ZFPM2: variants seen among roughly 807,000 people sequenced by gnomAD.
ZFPM2 encodes zinc finger protein, FOG family member 2.
A neutral mutation model predicts 98.6 loss-of-function variants in ZFPM2; 20 were observed. The observed-to-expected ratio is 0.20, with a 90% CI of 0.14 to 0.29. The LOEUF (loss-of-function observed/expected upper bound fraction) is 0.29, where lower values mean the gene tolerates loss of function less well. Among genes scored for constraint, ZFPM2 ranks in the 10% least tolerant of loss-of-function variants. The pLI is 1.00. For synonymous variants in ZFPM2, 518 were observed against 502.7 expected (o/e 1.03, Z -0.41); for missense variants, 1,310 against 1,388.6 (o/e 0.94, Z 0.90).
intron 4 of ZFPM2, among the ~76,000 whole-genome samples, chr8:105,578,840 G>T (rs1002728802): frequency 6.6e-6 from 1 of 152,090 alleles, no homozygotes; most frequent in African/African-American, 2.4e-5. Context: ...GAATATACTA[G>T]CAAACTGATA....
chr8:105,593,528 C>T (rs958449268), intron 4 of ZFPM2, among the ~76,000 whole-genome samples: 7 of 151,646 alleles, frequency 4.6e-5, no homozygotes, highest in African/African-American at 1.7e-4. Flanking sequence ...TACCAGTGTC[C>T]CAAATCTGCT....
Position 105,803,749 on chromosome 8 carries a change from G to A in ZFPM2, c.*211G>A. On this transcript the variant is annotated 3_prime_UTR_variant, in exon 8 of 8. Transcript: ENST00000407775. ...TCAAAAAAATTAATTTATTTTACCA[G>A]CAGTATTCATAGCTGTGGTTATGTT... The A allele has an allele frequency of 1.8e-6, 1 of 543,394 alleles. No homozygotes were observed. Among genetic ancestry groups the A allele is most frequent in the Non-Finnish European group, 3.2e-6 (1 of 308,650 alleles). 33.7% of individuals were successfully genotyped at this position (543,394 alleles called of 1,614,324 possible). A position where few individuals can be genotyped will look rare whatever the true frequency, so the allele number is the denominator to read the frequency against.
intron 1 of ZFPM2, among the ~76,000 whole-genome samples, chr8:105,368,239 A>G (rs1810547695): frequency 1.3e-5 from 2 of 151,216 alleles, no homozygotes; most frequent in South Asian, 2.1e-4. Flanking sequence ...TGCTGGCCTC[A>G]TAAAATGAGT....
At chr8:105,792,599 G>T (rs1813653034) in intron 6 of ZFPM2, among the ~76,000 whole-genome samples, 1 of 152,140 alleles carries the variant, frequency 6.6e-6, no homozygotes, top group East Asian at 1.9e-4. Flanking sequence ...TGTCTATTAG[G>T]TCTGCTTGGT....
At chr8:105,800,950 T>C (rs1007458043) in intron 7 of ZFPM2, 97 bp from the exon 8 acceptor site, 40 of 1,146,220 alleles carry the variant, frequency 3.5e-5, no homozygotes, top group Non-Finnish European at 4.6e-5. Flanking sequence ...ATTTCATTCC[T>C]ATTGTGTTGC....
At chr8:105,693,954 A>ATTTTTTTCTTTTC (rs1230123871) in intron 5 of ZFPM2, among the ~76,000 whole-genome samples, 4 of 132,146 alleles carry the variant, frequency 3.0e-5, no homozygotes, top group African/African-American at 8.6e-5. Context: ...TATTATCCAA[A>ATTTTTTTCTTTTC]TTTTTTTCTT....
intron 5 of ZFPM2, among the ~76,000 whole-genome samples, chr8:105,701,630 A>G (rs1172686863): frequency 3.3e-5 from 5 of 152,230 alleles, no homozygotes; most frequent in African/African-American, 1.2e-4. Context: ...TCTAAACAGC[A>G]GGAAAGTAGT....
At chr8:105,626,397 G>C (rs775070570) in intron 4 of ZFPM2, among the ~76,000 whole-genome samples, 5 of 152,172 alleles carry the variant, frequency 3.3e-5, no homozygotes, top group Non-Finnish European at 5.9e-5. Context: ...ATATTTTCCT[G>C]ACTGTCAGAT....
Position 105,803,443 on chromosome 8 carries a change from T to C in ZFPM2, c.3361T>C (p.Cys1121Arg). The change falls in exon 8 of 8, where the codon TGC becomes CGC. Residue 1121 changes from cysteine (C) to arginine (R), a missense_variant. Physicochemically the swap from Cys to Arg is radical, Grantham distance 180. Coordinates refer to ENST00000407775, the MANE Select transcript of ZFPM2 (RefSeq NM_012082.4). ...CCAGGCTCCAACCAGTGGGAAATAT[T>C]GCCGGCTATGTGATATCCAGTTCAA... ...SSQAPTSGKY[C>R]RLCDIQFNNL... 6.2e-7 allele frequency: 1 copy of C among 1,613,850 alleles called. No individual in the cohort carries two copies. The highest frequency in any genetic ancestry group is 8.5e-7 in the Non-Finnish European group (1 of 1,179,810).
At chr8:105,539,129 G>T (rs1322810649) in intron 3 of ZFPM2, among the ~76,000 whole-genome samples, 1 of 152,082 alleles carries the variant, frequency 6.6e-6, no homozygotes, top group Admixed American at 6.6e-5. Context: ...CCCTTTCTAG[G>T]AATGTTCTCC....
intron 2 of ZFPM2, among the ~76,000 whole-genome samples, chr8:105,422,877 T>G (rs1189107717): frequency 6.6e-6 from 1 of 152,208 alleles, no homozygotes; most frequent in Non-Finnish European, 1.5e-5. Flanking sequence ...AAAGAAAAAC[T>G]ACATTTCTGA....
chr8:105,579,342 G>T (rs549460300), intron 4 of ZFPM2, among the ~76,000 whole-genome samples: 13 of 152,208 alleles, frequency 8.5e-5, no homozygotes, highest in Admixed American at 5.9e-4. Context: ...TTTTTAAAAA[G>T]AACTTACTTA....
intron 3 of ZFPM2, chr8:105,451,645 C>T (rs750556281): frequency 6.6e-6 from 1 of 152,152 alleles, no homozygotes; most frequent in Non-Finnish European, 1.5e-5. Flanking sequence ...TGCCAGTAAA[C>T]CACCAGAAGC....
intron 3 of ZFPM2, among the ~76,000 whole-genome samples, chr8:105,452,158 A>G (rs536257530): frequency 9.2e-5 from 14 of 152,332 alleles, no homozygotes; most frequent in Admixed American, 8.5e-4. Flanking sequence ...AGTGAAACAC[A>G]AATTGGTTGG....
At chr8:105,643,071 G>A (rs915277658) in intron 5 of ZFPM2, among the ~76,000 whole-genome samples, 3 of 152,224 alleles carry the variant, frequency 2.0e-5, no homozygotes, top group Admixed American at 1.3e-4. Flanking sequence ...TGGAAGCAGC[G>A]GGGAGAGCTG....
chr8:105,621,076 G>A (rs1816531535), intron 4 of ZFPM2, among the ~76,000 whole-genome samples: 1 of 152,144 alleles, frequency 6.6e-6, no homozygotes, highest in Non-Finnish European at 1.5e-5. Flanking sequence ...GACAGTCATT[G>A]GTAGCTTGAT....
intron 5 of ZFPM2, among the ~76,000 whole-genome samples, chr8:105,698,179 A>G (rs1811063135): frequency 6.6e-6 from 1 of 152,172 alleles, no homozygotes; most frequent in African/African-American, 2.4e-5. Flanking sequence ...TACTAGTTCT[A>G]CCTTTCCCTT....
chr8:105,644,602 A>G (rs1341579585), intron 5 of ZFPM2, among the ~76,000 whole-genome samples: 1 of 151,638 alleles, frequency 6.6e-6, no homozygotes, highest in Non-Finnish European at 1.5e-5. Context: ...CTCTATATCC[A>G]TCAGTTCAGG....
intron 3 of ZFPM2, among the ~76,000 whole-genome samples, chr8:105,501,172 A>T (rs75296772): frequency 0.011 from 1,671 of 148,084 alleles, 16 homozygotes; most frequent in Non-Finnish European, 0.02. Context: ...AACAATATGA[A>T]TTTACTTTTC....
Sources: allele counts gnomAD v4.1 joint callset (sites outside exome capture counted in the v4.1 genomes callset), GRCh38; gene constraint gnomAD v4.1.1; transcripts MANE v1.5; gene names NCBI Gene and HGNC (gene_info 2026-07-23, HGNC 2026-07-21).